The following RYR3 variants were observed in gnomAD, a reference collection of about 807,000 sequenced individuals.
RYR3 encodes ryanodine receptor 3.
RYR3 carries 207 observed loss-of-function variants against 584.3 expected under a neutral mutation model. That is an observed-to-expected ratio of 0.35 (90% confidence interval 0.32 to 0.40). The LOEUF is 0.40. RYR3 is among the 10% of genes least tolerant of loss of function. RYR3 has a pLI of 1.00. For missense variants in RYR3, 5,616 were observed against 6,089.2 expected, an observed-to-expected ratio of 0.92 and a Z score of 2.59; for synonymous variants, 2,416 against 2,248.5, an observed-to-expected ratio of 1.07 and a Z score of -2.11.
In RYR3 at chr15:33,837,809, A is replaced by G; in HGVS notation, c.11829A>G (p.Glu3943=). ...PDGKGIISKK[E]FQKAMEGQKQ... is the part of the protein sequence containing the mutation. The stretch of plus-strand genomic sequence containing the variant: ...GTAAAGGAATTATCTCCAAAAAAGA[A>G]TTCCAGAAGGCCATGGAAGGGCAAA... The change falls in exon 89 of 104, where the codon GAA becomes GAG. Residue 3943 remains glutamate, a synonymous_variant. Coordinates refer to ENST00000634891, the MANE Select transcript of RYR3 (RefSeq NM_001036.6). The G allele has an allele frequency of 6.2e-7, 1 of 1,614,034 alleles. No homozygotes were observed. Among genetic ancestry groups the G allele is most frequent in the East Asian group, 2.2e-5 (1 of 44,876 alleles).
chr15:33,670,290 C>T, intron 37 of RYR3, 129 bp from the exon 38 acceptor site: 1 of 925,226 alleles, frequency 1.1e-6, no homozygotes, highest in Non-Finnish European at 1.7e-6. Context: ...AGAATAGTAT[C>T]TTTAGAAAGC....
At chr15:33,511,871 C>CG (rs1401198562) in intron 3 of RYR3, among the ~76,000 whole-genome samples, 2 of 152,312 alleles carry the variant, frequency 1.3e-5, no homozygotes, top group Non-Finnish European at 2.9e-5. Context: ...CTCCACCTCC[C>CG]GGGTTCACGC....
At position 33,733,493 on chromosome 15, in the gene RYR3, T is replaced by C. The variant is rs185068182; in HGVS notation, c.7424+1799T>C. On this transcript the variant is annotated intron_variant, in intron 48 of 103. Coordinates refer to ENST00000634891, the MANE Select transcript of RYR3 (RefSeq NM_001036.6). ...CATATTACTAAGTGCAAGAAGCTAA[T>C]CCGAAAAGGCTACATGCTGTATGAT... Among the ~76,000 whole-genome samples the C allele has an allele frequency of 3.9e-3, 600 of 152,282 alleles. 4 individuals are homozygous for C. The highest frequency in any genetic ancestry group is 7.6e-3 in the Admixed American group (117 of 15,298).
intron 65 of RYR3, among the ~76,000 whole-genome samples, chr15:33,783,303 A>G (rs1012802754): frequency 2.0e-5 from 3 of 152,184 alleles, no homozygotes; most frequent in African/African-American, 7.2e-5. Context: ...TTATTGATCT[A>G]GAAGTTAAAA....
intron 27 of RYR3, among the ~76,000 whole-genome samples, chr15:33,641,525 G>C (rs984051251): frequency 6.6e-6 from 1 of 152,204 alleles, no homozygotes; most frequent in Admixed American, 6.5e-5. Flanking sequence ...GGAGATACTA[G>C]CTAGATCCTC....
intron 53 of RYR3, among the ~76,000 whole-genome samples, chr15:33,747,394 G>A (rs890414936): frequency 2.1e-5 from 1 of 47,210 alleles, no homozygotes; most frequent in Non-Finnish European, 4.5e-5. Context: ...TTTTTTTTTT[G>A]AGACGGAGTT....
intron 1 of RYR3, among the ~76,000 whole-genome samples, chr15:33,378,862 G>A (rs893388556): frequency 6.6e-6 from 1 of 152,150 alleles, no homozygotes. Context: ...CTACTCAGGA[G>A]GCTGAGGCAG....
chr15:33,681,771 C>T (rs551912858), intron 38 of RYR3, among the ~76,000 whole-genome samples: 2 of 152,266 alleles, frequency 1.3e-5, no homozygotes, highest in East Asian at 3.9e-4. Flanking sequence ...AAGTGTGGTG[C>T]AATTTTGTTT....
chr15:33,598,603 A>G (rs1397961279), intron 16 of RYR3, among the ~76,000 whole-genome samples: 1 of 151,756 alleles, frequency 6.6e-6, no homozygotes, highest in East Asian at 1.9e-4. Flanking sequence ...CTTAGGCTAT[A>G]GACTGCTGTC....
chr15:33,491,057 T>C (rs901742355), intron 2 of RYR3, among the ~76,000 whole-genome samples: 5 of 152,152 alleles, frequency 3.3e-5, no homozygotes, highest in Non-Finnish European at 5.9e-5. Flanking sequence ...CTGCCAACAA[T>C]TCTTATGCAG....
At chr15:33,561,931 T>A (rs2057428433) in intron 10 of RYR3, among the ~76,000 whole-genome samples, 1 of 151,958 alleles carries the variant, frequency 6.6e-6, no homozygotes, top group Non-Finnish European at 1.5e-5. Flanking sequence ...AGAGAAATGT[T>A]TTTGCAAATA....
In RYR3 at chr15:33,773,596, A is replaced by C; in HGVS notation, c.9118A>C (p.Lys3040Gln). The change falls in exon 64 of 104, where the codon AAG becomes CAG. Residue 3040 changes from lysine (K) to glutamine (Q), a missense_variant. By Grantham distance (53) the Lys-to-Gln change is moderately conservative. Around this residue, in one of 9 missense-constraint regions of RYR3, gnomAD observed 954 missense variants for 1,132.2 expected, o/e 0.84. Transcript: ENST00000634891. ...LCSLYSLGTG[K>Q]NIYVERQRPA... The stretch of plus-strand genomic sequence containing the variant: ...CAGCCTCTACTCCCTTGGGACGGGA[A>C]AGAACATTTATGTTGAAAGGTAATT... The C allele has an allele frequency of 6.2e-7, 1 of 1,606,176 alleles. No individual in the cohort carries two copies. The highest frequency in any genetic ancestry group is 2.2e-5 in the East Asian group (1 of 44,790).
At chr15:33,717,439 A>G (rs1267993679) in intron 43 of RYR3, among the ~76,000 whole-genome samples, 1 of 152,170 alleles carries the variant, frequency 6.6e-6, no homozygotes, top group Non-Finnish European at 1.5e-5. Context: ...CCTTGAATCA[A>G]CTTTTTTCCT....
intron 5 of RYR3, among the ~76,000 whole-genome samples, chr15:33,536,655 A>G (rs1595492823): frequency 2.0e-5 from 3 of 151,922 alleles, no homozygotes; most frequent in South Asian, 2.1e-4. Flanking sequence ...AACATTAAAG[A>G]TGCATACAAC....
At chr15:33,498,173 G>T (rs932500386) in intron 2 of RYR3, among the ~76,000 whole-genome samples, 7 of 152,118 alleles carry the variant, frequency 4.6e-5, no homozygotes, top group Admixed American at 2.6e-4. Flanking sequence ...GCATGGGAGT[G>T]CAGATATCTC....
At position 33,374,747 on chromosome 15, in the gene RYR3, G is replaced by A. The variant is rs1325990610; in HGVS notation, c.51+63651G>A. Among the ~76,000 whole-genome samples the A allele has an allele frequency of 2.0e-5, 3 of 152,102 alleles. No homozygotes were observed. The South Asian group carries it at 6.2e-4, about 32-fold the overall frequency. ...AATTACATTGCACTAAACATTCAAC[G>A]AACAGAAATGTAATTGTGAGAGCAT... On this transcript the variant is annotated intron_variant, in intron 1 of 103. Transcript: ENST00000634891.
intron 2 of RYR3, among the ~76,000 whole-genome samples, chr15:33,488,449 C>CTT (rs72098093): frequency 5.9e-4 from 75 of 127,488 alleles, no homozygotes; most frequent in South Asian, 2.8e-3. Context: ...ACAGTCTTGC[C>CTT]TTTTTTTTTT....
chr15:33,529,459 G>A (rs145701753), intron 3 of RYR3, among the ~76,000 whole-genome samples: 16 of 152,256 alleles, frequency 1.1e-4, no homozygotes, highest in Non-Finnish European at 2.1e-4. Context: ...GTGGTTGCAG[G>A]TGGACACGGG....
chr15:33,666,481 C>T (rs906902561), intron 36 of RYR3, among the ~76,000 whole-genome samples: 7 of 152,170 alleles, frequency 4.6e-5, no homozygotes, highest in African/African-American at 1.4e-4. Context: ...TTCACTTCTA[C>T]AAGGCACCTA....
Sources: gnomAD v4.1 joint callset for allele counts (sites outside exome capture counted in the v4.1 genomes callset) on GRCh38, gnomAD v4.1.1 for gene constraint, gnomAD v4.1.1 regional missense constraint, MANE v1.5 for transcripts, NCBI Gene and HGNC (gene_info 2026-07-23, HGNC 2026-07-21) for gene names.